The following RXFP2 variants were observed in gnomAD, a reference collection of about 807,000 sequenced individuals.
The protein encoded by RXFP2 is relaxin family peptide receptor 2.
A neutral mutation model predicts 88.6 loss-of-function variants in RXFP2; 68 were observed. The ratio of observed to expected loss-of-function variants is 0.77; its 90% CI spans 0.63 to 0.94. The LOEUF (loss-of-function observed/expected upper bound fraction) is 0.94, where lower values mean the gene tolerates loss of function less well. RXFP2 is among the 40% of genes least tolerant of loss of function. RXFP2 has a pLI of 0.00. For synonymous variants in RXFP2, 329 were observed against 306.8 expected, an observed-to-expected ratio of 1.07 and a Z score of -0.76; for missense variants, 791 against 893.9, an observed-to-expected ratio of 0.88 and a Z score of 1.47.
chr13:31,765,212 G>C (rs1872496577), intron 4 of RXFP2, 70 bp downstream of exon 4: 2 of 924,180 alleles, frequency 2.2e-6, no homozygotes. Flanking sequence ...AAACCCAATA[G>C]TGTTGCTTGT....
rs761239765 is a variant in RXFP2 at position 31,739,688 on chromosome 13, G to T, written c.76G>T (p.Val26Phe). Residue 26 changes from valine (V) to phenylalanine (F), a missense_variant, in exon 1 of 18, where the codon GTT (valine) becomes TTT (phenylalanine). Physicochemically the swap from Val to Phe is conservative, Grantham distance 50. Coordinates refer to ENST00000298386, the MANE Select transcript of RXFP2 (RefSeq NM_130806.5). ...AATGTTCTTTCTACTTCATTTCATC[G>T]TTCTGATCAATGTCAAAGGTAAGGT... ...ITMFFLLHFI[V>F]LINVKDFALT... 51 of 1,604,860 alleles carry T rather than the reference G, an allele frequency of 3.2e-5. No individual in the cohort carries two copies. Among genetic ancestry groups the T allele is most frequent in the Non-Finnish European group, 4.3e-5 (50 of 1,171,964 alleles).
chr13:31,795,733 A>T (rs1874001857), intron 16 of RXFP2, among the ~76,000 whole-genome samples: 1 of 152,298 alleles, frequency 6.6e-6, no homozygotes, highest in South Asian at 2.1e-4. Flanking sequence ...ATTTTTTAAC[A>T]ACTTTGAAAA....
At position 31,769,557 on chromosome 13, in the gene RXFP2, CTAGAATAAATATACTAT is replaced by C. The variant is rs554131119; in HGVS notation, c.497+3533_497+3549del. On this transcript the variant is annotated intron_variant, in intron 5 of 17. Coordinates refer to ENST00000298386, the MANE Select transcript of RXFP2 (RefSeq NM_130806.5). ...CTACATTTGTCTTGATGGGTGACAT[CTAGAATAAATATACTAT>C]TATCACCGTAACATGACCGAGGCAA... Among the ~76,000 whole-genome samples the C allele has an allele frequency of 2.3e-3, 349 of 152,294 alleles. 2 individuals carry two copies. Among genetic ancestry groups the C allele is most frequent in the Middle Eastern group, 0.014 (4 of 294 alleles).
chr13:31,792,908 C>T lies in RXFP2; in HGVS notation c.1606C>T (p.Arg536Trp), dbSNP rs142857153. The T allele has an allele frequency of 5.3e-4, 848 of 1,614,044 alleles. 2 individuals are homozygous for T. In the African/African-American group the frequency reaches 0.01, roughly 19 times the overall value. ...CTTCAGTAACATTCGACCTGGAAAACGGCAGACCTCAGTCATCCTCATTTG... is the reference window on the plus strand; with the variant it reads ...CTTCAGTAACATTCGACCTGGAAAATGGCAGACCTCAGTCATCCTCATTTG... The part of the protein sequence containing the change: ...FPFSNIRPGK[R>W]QTSVILICIW... The change falls in exon 16 of 18, where the codon CGG (arginine) becomes TGG (tryptophan). Residue 536 changes from arginine (R) to tryptophan (W), a missense_variant. Physicochemically the swap from Arg to Trp is moderately radical, Grantham distance 101 (BLOSUM62 -3). Transcript: ENST00000298386.
chr13:31,746,928 T>C (rs965657569), intron 1 of RXFP2, among the ~76,000 whole-genome samples: 1 of 152,220 alleles, frequency 6.6e-6, no homozygotes, highest in Non-Finnish European at 1.5e-5. Context: ...GAGGGTGAGA[T>C]GATAGTTATG....
chr13:31,802,176 TC>T lies in RXFP2; in HGVS notation c.2038del (p.Leu680PhefsTer7). 4 of 1,614,156 alleles carry T rather than the reference TC, an allele frequency of 2.5e-6. No individual in the cohort carries two copies. The African/African-American group carries it at 4.0e-5, about 16-fold the overall frequency. On this transcript the variant is annotated frameshift_variant, in exon 18 of 18. Coordinates refer to ENST00000298386, the MANE Select transcript of RXFP2 (RefSeq NM_130806.5). LOFTEE classifies it high-confidence loss of function. ...ATGACTTCCTGGATAGTGATTTTTT[TC>T]CTTCCAGTTAACAGTGCTTTGAATC... ...DTMTSWIVIFFLPVNSALNPI... is the reference protein window; with the variant it reads ...DTMTSWIVIFXLPVNSALNPI...
chr13:31,801,744 A>G (rs1234819726), intron 17 of RXFP2, among the ~76,000 whole-genome samples: 1 of 152,218 alleles, frequency 6.6e-6, no homozygotes, highest in Non-Finnish European at 1.5e-5. Context: ...GTTAAGACCA[A>G]GGTCAGATCT....
intron 1 of RXFP2, among the ~76,000 whole-genome samples, chr13:31,756,412 C>G (rs1871951365): frequency 6.6e-6 from 1 of 152,128 alleles, no homozygotes; most frequent in Non-Finnish European, 1.5e-5. Context: ...GATGTTCCTA[C>G]TGAAGTTTGT....
chr13:31,791,412 C>T (rs1873783613), intron 14 of RXFP2, among the ~76,000 whole-genome samples: 1 of 152,184 alleles, frequency 6.6e-6, no homozygotes, highest in African/African-American at 2.4e-5. Flanking sequence ...AGGTGAGCGA[C>T]AATAGGCTTT....
Position 31,802,474 on chromosome 13 carries a change from TC to T in RXFP2, c.*70del, listed in dbSNP as rs1265191180. ...AGGGGACAGCTTTTGGAAGATGACA[TC>T]TGCAATGCTTTTCATCTTTACCAAC... On this transcript the variant is annotated 3_prime_UTR_variant, in exon 18 of 18. Coordinates refer to ENST00000298386, the MANE Select transcript of RXFP2 (RefSeq NM_130806.5). 2 of 1,500,976 alleles carry T rather than the reference TC, an allele frequency of 1.3e-6. No homozygotes were observed. Among genetic ancestry groups the T allele is most frequent in the African/African-American group, 1.4e-5 (1 of 72,566 alleles). 93.0% of individuals were successfully genotyped at this position (1,500,976 alleles called of 1,614,324 possible).
At chr13:31,746,296 T>C (rs1193454130) in intron 1 of RXFP2, among the ~76,000 whole-genome samples, 1 of 152,220 alleles carries the variant, frequency 6.6e-6, no homozygotes, top group East Asian at 1.9e-4. Context: ...TTTTGTTATA[T>C]TCTTTGTATG....
chr13:31,742,314 G>T (rs1185549350), intron 1 of RXFP2, among the ~76,000 whole-genome samples: 1 of 152,194 alleles, frequency 6.6e-6, no homozygotes, highest in Non-Finnish European at 1.5e-5. Flanking sequence ...CCAGACTCAA[G>T]GCATGCCTGG....
chr13:31,800,342 G>A (rs571203958), intron 17 of RXFP2, among the ~76,000 whole-genome samples: 2 of 152,264 alleles, frequency 1.3e-5, no homozygotes, highest in South Asian at 4.1e-4. Flanking sequence ...AGGCCGAGGT[G>A]GGCAGATCAC....
chr13:31,796,103 G>A (rs1231070013), intron 16 of RXFP2, among the ~76,000 whole-genome samples: 13 of 119,186 alleles, frequency 1.1e-4, no homozygotes, highest in African/African-American at 3.9e-4. Context: ...AGGCTGGAGT[G>A]CAGTGGCGCA....
In RXFP2 at chr13:31,739,536, A is replaced by G; in HGVS notation, c.-77A>G. ...GCTGTGAGCATGCTCAGAACATGGG[A>G]GGCACTGAACTTACTACATCAGAAC... is the stretch of plus-strand genomic sequence containing the variant. On this transcript the variant is annotated 5_prime_UTR_variant, in exon 1 of 18. Coordinates refer to ENST00000298386, the MANE Select transcript of RXFP2 (RefSeq NM_130806.5). 1.1e-6 allele frequency: 1 copy of G among 869,710 alleles called. No individual in the cohort carries two copies. Among genetic ancestry groups the G allele is most frequent in the Admixed American group, 1.8e-5 (1 of 56,696 alleles). The allele number at this position is 869,710 out of a possible 1,614,324, so 53.9% of individuals were successfully genotyped here.
intron 16 of RXFP2, 27 bp downstream of exon 16, chr13:31,793,115 A>C: frequency 6.3e-7 from 1 of 1,578,314 alleles, no homozygotes; most frequent in Non-Finnish European, 8.7e-7. Flanking sequence ...CATTTCCTGG[A>C]AAAACATAAT....
At chr13:31,761,896 G>T in intron 3 of RXFP2, 95 bp downstream of exon 3, 21 of 798,096 alleles carry the variant, frequency 2.6e-5, no homozygotes, top group Non-Finnish European at 3.4e-5. Flanking sequence ...ATTCCCTTCA[G>T]AATTTCCGTT....
intron 16 of RXFP2, 101 bp downstream of exon 16, chr13:31,793,189 A>G: frequency 9.1e-7 from 1 of 1,102,246 alleles, no homozygotes; most frequent in Non-Finnish European, 1.3e-6. Flanking sequence ...GTGAGATAAC[A>G]TAGTCAAGAC....
chr13:31,797,234 T>G lies in RXFP2; in HGVS notation c.1820T>G (p.Phe607Cys). The G allele has an allele frequency of 6.2e-7, 1 of 1,613,904 alleles. No individual in the cohort carries two copies. The highest frequency in any genetic ancestry group is 1.3e-5 in the African/African-American group (1 of 75,038). Residue 607 changes from phenylalanine (F) to cysteine (C), a missense_variant, in exon 17 of 18, where the codon TTT becomes TGT. Coordinates refer to ENST00000298386, the MANE Select transcript of RXFP2 (RefSeq NM_130806.5). ...TTGCTGGCTTTTCTCATCATTGTGT[T>G]TTCCTATATTACTATGTTCTGTTCC... ...VNLLAFLIIV[F>C]SYITMFCSIQ...
Sources: gnomAD v4.1 joint callset for allele counts (sites outside exome capture counted in the v4.1 genomes callset) on GRCh38, gnomAD v4.1.1 for gene constraint, MANE v1.5 for transcripts, NCBI Gene and HGNC (gene_info 2026-07-23, HGNC 2026-07-21) for gene names.